Variants in VAC14 observed in about 807,000 individuals in gnomAD.
The protein encoded by VAC14 is protein VAC14 homolog.
VAC14 carries 47 observed loss-of-function variants against 85.3 expected under a neutral mutation model. The observed-to-expected ratio is 0.55, with a 90% CI of 0.44 to 0.70. The LOEUF (loss-of-function observed/expected upper bound fraction) is 0.70, where lower values mean the gene tolerates loss of function less well. Among genes scored for constraint, VAC14 ranks in the 30% least tolerant of loss-of-function variants. The probability of loss-of-function intolerance (pLI) is 0.00; values close to 1 mark genes in which losing one functional copy is unlikely to be tolerated. For synonymous variants in VAC14, 447 were observed against 430.5 expected (o/e 1.04, Z -0.47); for missense variants, 861 against 1,004.3 (o/e 0.86, Z 1.93).
chr16:70,800,645 G>C (rs1380162629), intron 1 of VAC14, 152 bp downstream of exon 1: 5 of 630,602 alleles, frequency 7.9e-6, no homozygotes, highest in Admixed American at 6.2e-5. Context: ...GGGACTCCCA[G>C]ATATGGCTCC....
chr16:70,697,250 T>A lies in VAC14; in HGVS notation c.1844A>T (p.Gln615Leu). 1.9e-6 allele frequency: 3 copies of A among 1,613,604 alleles called. No homozygotes were observed. Among genetic ancestry groups the A allele is most frequent in the Non-Finnish European group, 2.5e-6 (3 of 1,179,754 alleles). The part of the protein sequence containing the change: ...QLKDLKTLES[Q>L]NLFCCLYRSW... ...GCGGTACAGGCAGCAGAACAGGTTC[T>A]GGCTCTCCTGTGGGGGAACAGGCAT... Residue 615 changes from glutamine to leucine, a missense_variant, in exon 16 of 19, where the codon CAG becomes CTG. Physicochemically the swap from Gln to Leu is moderately radical, Grantham distance 113. Transcript: ENST00000261776.
intron 14 of VAC14, among the ~76,000 whole-genome samples, chr16:70,710,119 G>C (rs1031481908): frequency 9.9e-5 from 15 of 152,244 alleles, no homozygotes; most frequent in African/African-American, 3.1e-4. Context: ...GCATGGGACA[G>C]GAAGGAACTG....
rs367819539 is a variant in VAC14, at chr16:70,757,775, C to T, written c.1371+4765G>A. Among the ~76,000 whole-genome samples the T allele has an allele frequency of 2.6e-5, 4 of 152,344 alleles. No individual in the cohort carries two copies. The South Asian group carries it at 8.3e-4, about 32-fold the overall frequency. ...CTGCATCGGAGGAGCTACTGCTTAT[C>T]GTGGGTTTATGTGTGCTGGGTCCCA... On this transcript the variant is annotated intron_variant, in intron 12 of 18. Transcript: ENST00000261776.
At chr16:70,724,781 G>A (rs912318480) in intron 14 of VAC14, among the ~76,000 whole-genome samples, 1 of 152,228 alleles carries the variant, frequency 6.6e-6, no homozygotes. Flanking sequence ...AGCAAGAAGA[G>A]AAGCTTCTGC....
At chr16:70,749,811 G>A (rs2031232146) in intron 12 of VAC14, among the ~76,000 whole-genome samples, 1 of 152,224 alleles carries the variant, frequency 6.6e-6, no homozygotes, top group Admixed American at 6.5e-5. Context: ...CAGCCCAGGG[G>A]GTGACCTTGA....
intron 18 of VAC14, among the ~76,000 whole-genome samples, chr16:70,692,343 T>A (rs2053612820): frequency 6.6e-6 from 1 of 151,198 alleles, no homozygotes; most frequent in African/African-American, 2.4e-5. Flanking sequence ...AATGATGGGG[T>A]CTCCCAGTGA....
intron 4 of VAC14, 48 bp downstream of exon 4, chr16:70,784,728 C>A (rs372419201): frequency 6.5e-7 from 1 of 1,541,460 alleles, no homozygotes; most frequent in South Asian, 1.1e-5. Flanking sequence ...TACAGACAGA[C>A]GGGAGAAACA....
intron 1 of VAC14, among the ~76,000 whole-genome samples, chr16:70,787,391 C>T (rs898051460): frequency 1.3e-5 from 2 of 152,130 alleles, no homozygotes; most frequent in African/African-American, 2.4e-5. Flanking sequence ...TCTCCCTGGA[C>T]AGTGATGCTG....
rs766438194 is a variant in VAC14, at chr16:70,783,560, CA to C, written c.595-7del. 3.1e-6 allele frequency: 5 copies of C among 1,613,188 alleles called. No individual in the cohort carries two copies. Among genetic ancestry groups the C allele is most frequent in the Admixed American group, 1.7e-5 (1 of 60,028 alleles). ...ACCGACTCCAGAACCAGGATCTGAC[CA>C]GGGGAAGGGAACAGGAGGGGAAGTC... On this transcript the variant is annotated splice_region_variant and splice_polypyrimidine_tract_variant and intron_variant, in intron 5 of 18. Coordinates refer to ENST00000261776, the MANE Select transcript of VAC14 (RefSeq NM_018052.5).
intron 1 of VAC14, among the ~76,000 whole-genome samples, chr16:70,793,381 A>T (rs556915184): frequency 6.6e-6 from 1 of 152,158 alleles, no homozygotes. Context: ...GTACCATTAC[A>T]CCCATTTTAC....
chr16:70,760,289 T>C (rs1208420496), intron 12 of VAC14, among the ~76,000 whole-genome samples: 1 of 152,176 alleles, frequency 6.6e-6, no homozygotes, highest in Non-Finnish European at 1.5e-5. Flanking sequence ...TGAAAAATCC[T>C]GAGAGGGCAC....
intron 10 of VAC14, chr16:70,768,853 T>A (rs1354828955): frequency 2.2e-6 from 1 of 452,820 alleles, no homozygotes; most frequent in Non-Finnish European, 4.4e-6. Flanking sequence ...CAGGCTAGAG[T>A]GCAGTGGCGC....
chr16:70,718,579 A>C (rs977222918), intron 14 of VAC14, among the ~76,000 whole-genome samples: 3 of 151,638 alleles, frequency 2.0e-5, no homozygotes, highest in African/African-American at 7.3e-5. Context: ...TTTTTAAAAA[A>C]AAAAAAAACA....
intron 9 of VAC14, among the ~76,000 whole-genome samples, chr16:70,774,033 C>T (rs569374033): frequency 7.0e-4 from 106 of 152,130 alleles, no homozygotes; most frequent in Middle Eastern, 3.4e-3. Context: ...CCTCAGCCTC[C>T]CAAAGTGCTG....
intron 13 of VAC14, 57 bp downstream of exon 13, chr16:70,744,366 A>G (rs1440926603): frequency 6.2e-7 from 1 of 1,608,330 alleles, no homozygotes; most frequent in Non-Finnish European, 8.5e-7. Context: ...GGTCCAGCCT[A>G]AGACCCGGCA....
intron 12 of VAC14, among the ~76,000 whole-genome samples, chr16:70,753,011 G>GTGTGTGTGTGT (rs1555521573): frequency 1.4e-4 from 20 of 142,982 alleles, no homozygotes; most frequent in African/African-American, 3.7e-4. Context: ...AGGAGGAGGG[G>GTGTGTGTGTGT]GTGTGTGTGT....
chr16:70,776,997 T>C (rs1476342099), intron 9 of VAC14, among the ~76,000 whole-genome samples: 1 of 151,878 alleles, frequency 6.6e-6, no homozygotes, highest in Non-Finnish European at 1.5e-5. Flanking sequence ...TTAGTAGAGA[T>C]GGGGTTTCAC....
chr16:70,731,048 G>T (rs1360613256), intron 14 of VAC14, among the ~76,000 whole-genome samples: 8 of 152,136 alleles, frequency 5.3e-5, no homozygotes, highest in Non-Finnish European at 1.2e-4. Context: ...CAGCCTCTGG[G>T]GCTGGTGCCC....
At chr16:70,702,335 G>A (rs2053845151) in intron 14 of VAC14, among the ~76,000 whole-genome samples, 1 of 152,200 alleles carries the variant, frequency 6.6e-6, no homozygotes, top group South Asian at 2.1e-4. Flanking sequence ...CTCACGAGGT[G>A]TCTCCCTCTG....
Sources: gnomAD v4.1 joint callset for allele counts (sites outside exome capture counted in the v4.1 genomes callset) on GRCh38, gnomAD v4.1.1 for gene constraint, MANE v1.5 for transcripts, NCBI Gene and HGNC (gene_info 2026-07-23, HGNC 2026-07-21) for gene names.